Variants in ANKS1B observed in about 807,000 individuals in gnomAD.
ANKS1B encodes the protein ankyrin repeat and sterile alpha motif domain-containing protein 1B.
A neutral mutation model predicts 148.3 loss-of-function variants in ANKS1B; 36 were observed. The observed-to-expected ratio is 0.24, with a 90% CI of 0.19 to 0.32. The LOEUF is 0.32. Among genes scored for constraint, ANKS1B ranks in the 10% least tolerant of loss-of-function variants. The pLI, the probability that ANKS1B is intolerant of heterozygous loss-of-function variation, is 1.00. For synonymous variants in ANKS1B, 542 were observed against 560.8 expected, an observed-to-expected ratio of 0.97 and a Z score of 0.47; for missense variants, 1,157 against 1,542.6, an observed-to-expected ratio of 0.75 and a Z score of 4.19.
chr12:99,361,798 C>G (rs2092484206), intron 12 of ANKS1B, among the ~76,000 whole-genome samples: 2 of 152,090 alleles, frequency 1.3e-5, no homozygotes, highest in South Asian at 2.1e-4. Context: ...TTTGTAATAG[C>G]ACACTGGGGG....
At chr12:99,513,130 T>G (rs578195039) in intron 9 of ANKS1B, among the ~76,000 whole-genome samples, 101 of 151,918 alleles carry the variant, frequency 6.6e-4, no homozygotes, top group African/African-American at 2.4e-3. Flanking sequence ...GCCATTCAAA[T>G]CAAGGCAAGA....
intron 9 of ANKS1B, among the ~76,000 whole-genome samples, chr12:99,539,947 G>T (rs1305300545): frequency 1.3e-5 from 2 of 151,816 alleles, no homozygotes. Context: ...ACATTAATAG[G>T]TTGAAAGTAA....
At chr12:99,389,541 G>A (rs532729239) in intron 12 of ANKS1B, among the ~76,000 whole-genome samples, 1 of 152,110 alleles carries the variant, frequency 6.6e-6, no homozygotes, top group South Asian at 2.1e-4. Flanking sequence ...TAACTTTAAT[G>A]ATCACACATA....
chr12:99,650,351 A>T (rs530214336), intron 9 of ANKS1B, among the ~76,000 whole-genome samples: 19 of 152,160 alleles, frequency 1.2e-4, no homozygotes, highest in Non-Finnish European at 2.6e-4. Flanking sequence ...CCACACATTA[A>T]CTGTGAGTTT....
chr12:99,668,131 G>A (rs190988327), intron 8 of ANKS1B, among the ~76,000 whole-genome samples: 127 of 152,228 alleles, frequency 8.3e-4, no homozygotes, highest in Non-Finnish European at 1.6e-3. Flanking sequence ...TCCTTGTGGG[G>A]AAGAATTTCA....
At chr12:99,311,906 G>C (rs1320020711) in intron 12 of ANKS1B, among the ~76,000 whole-genome samples, 2 of 152,010 alleles carry the variant, frequency 1.3e-5, no homozygotes, top group South Asian at 4.1e-4. Context: ...CTCTTGACGG[G>C]TGCAAAATCT....
chr12:99,748,315 T>C (rs1163955767), intron 8 of ANKS1B, among the ~76,000 whole-genome samples: 3 of 152,036 alleles, frequency 2.0e-5, no homozygotes, highest in Non-Finnish European at 4.4e-5. Flanking sequence ...GGATTTGAAA[T>C]AGAATATTTT....
chr12:98,785,414 G>A (rs1389400470), intron 22 of ANKS1B, among the ~76,000 whole-genome samples: 2 of 152,188 alleles, frequency 1.3e-5, no homozygotes, highest in African/African-American at 4.8e-5. Flanking sequence ...AGATTCTAGT[G>A]AGCCAAGATC....
rs372529638 is a variant in ANKS1B, at chr12:98,948,250, C to T, written c.2778+104907G>A. Among the ~76,000 whole-genome samples the T allele has an allele frequency of 5.9e-5, 9 of 152,266 alleles. No individual in the cohort carries two copies. In the East Asian group the frequency reaches 1.2e-3, roughly 20 times the overall value. On this transcript the variant is annotated intron_variant, in intron 17 of 26. Transcript: ENST00000683438. ...GACTCCTGCCATTTATTCTTAAATA[C>T]TTTCTTGTCTTTCTGAATTACTGGG...
intron 11 of ANKS1B, among the ~76,000 whole-genome samples, chr12:99,414,403 T>C (rs879878518): frequency 3.9e-5 from 6 of 152,120 alleles, no homozygotes; most frequent in African/African-American, 9.7e-5. Context: ...TGCAGCACTA[T>C]TCACAATAGC....
chr12:99,360,626 C>T (rs1301057434), intron 12 of ANKS1B, among the ~76,000 whole-genome samples: 5 of 152,050 alleles, frequency 3.3e-5, no homozygotes, highest in Non-Finnish European at 7.4e-5. Flanking sequence ...TCATCACTTT[C>T]TTAAGATTAT....
chr12:98,809,893 T>C (rs1018435349), intron 19 of ANKS1B, among the ~76,000 whole-genome samples: 4 of 152,118 alleles, frequency 2.6e-5, no homozygotes, highest in Admixed American at 2.6e-4. Context: ...AATGTTAAAA[T>C]AGACATCATA....
intron 9 of ANKS1B, among the ~76,000 whole-genome samples, chr12:99,565,552 G>A (rs774675053): frequency 3.3e-5 from 5 of 152,168 alleles, no homozygotes; most frequent in Non-Finnish European, 7.3e-5. Flanking sequence ...TAGGTTTCAA[G>A]GGCAGAGAAT....
chr12:99,038,430 A>G (rs958282724), intron 17 of ANKS1B, among the ~76,000 whole-genome samples: 1 of 152,182 alleles, frequency 6.6e-6, no homozygotes, highest in African/African-American at 2.4e-5. Flanking sequence ...ACACCACTTT[A>G]GTACAAGGCA....
In ANKS1B at chr12:99,632,756, TA is replaced by T. The variant is rs1346613263; in HGVS notation, c.1272+22310del. ...ATATATATATATATATATATATATA[TA>T]TATATATATATTTTAATTATACTTT... is the stretch of plus-strand genomic sequence containing the variant. On this transcript the variant is annotated intron_variant, in intron 9 of 26. Transcript: ENST00000683438. Among the ~76,000 whole-genome samples the T allele has an allele frequency of 7.3e-3, 662 of 90,824 alleles. 34 individuals are homozygous for T. The highest frequency in any genetic ancestry group is 0.015 in the African/African-American group (399 of 26,254). The allele number at this position is 90,824 out of a possible 152,430, so 59.6% of individuals were successfully genotyped here.
intron 9 of ANKS1B, among the ~76,000 whole-genome samples, chr12:99,545,866 T>A (rs559949192): frequency 2.0e-5 from 3 of 151,790 alleles, no homozygotes; most frequent in African/African-American, 7.2e-5. Flanking sequence ...TTTACCTATA[T>A]CCAATAACAT....
intron 12 of ANKS1B, among the ~76,000 whole-genome samples, chr12:99,345,291 TCTCTATGATAG>T (rs2090510982): frequency 6.6e-6 from 1 of 152,010 alleles, no homozygotes; most frequent in Non-Finnish European, 1.5e-5. Flanking sequence ...TTTGCAGCCC[TCTCTATGATAG>T]ACACTCAAGA....
chr12:99,906,658 G>A (rs984109302), intron 1 of ANKS1B, among the ~76,000 whole-genome samples: 1 of 152,066 alleles, frequency 6.6e-6, no homozygotes, highest in South Asian at 2.1e-4. Context: ...AATAATATCC[G>A]TATAATTATA....
intron 12 of ANKS1B, among the ~76,000 whole-genome samples, chr12:99,313,088 G>T (rs1438163573): frequency 6.6e-6 from 1 of 152,132 alleles, no homozygotes; most frequent in South Asian, 2.1e-4. Flanking sequence ...TGATAAAGGG[G>T]ATATCACCAC....
Sources: allele counts gnomAD v4.1 joint callset (sites outside exome capture counted in the v4.1 genomes callset), GRCh38; gene constraint gnomAD v4.1.1; transcripts MANE v1.5; gene names NCBI Gene and HGNC (gene_info 2026-07-23, HGNC 2026-07-21).